PLXNA1: variants seen among roughly 807,000 people sequenced by gnomAD.
PLXNA1 encodes plexin-A1.
PLXNA1 carries 77 observed loss-of-function variants against 191.7 expected under a neutral mutation model. The ratio of observed to expected loss-of-function variants is 0.40; its 90% CI spans 0.33 to 0.49. PLXNA1 has a LOEUF of 0.49. Ranked by LOEUF, PLXNA1 falls within the 20% of genes least tolerant of loss-of-function variation. PLXNA1 has a pLI of 0.63. For synonymous variants in PLXNA1, 1,137 were observed against 1,156.4 expected (o/e 0.98, Z 0.34); for missense variants, 2,110 against 2,660.2 (o/e 0.79, Z 4.55).
chr3:126,999,491 C>T (rs547350034), intron 3 of PLXNA1, among the ~76,000 whole-genome samples: 3 of 152,338 alleles, frequency 2.0e-5, no homozygotes, highest in East Asian at 3.9e-4. Context: ...AGGGCCAAGC[C>T]GGGCAGCCCC....
chr3:126,990,155 G>T (rs1157463560), intron 2 of PLXNA1, among the ~76,000 whole-genome samples: 1 of 152,232 alleles, frequency 6.6e-6, no homozygotes, highest in Non-Finnish European at 1.5e-5. Flanking sequence ...TACAAATGAG[G>T]TTATAGGATC....
At chr3:127,003,241 G>A (rs2079049338) in intron 3 of PLXNA1, 89 bp from the exon 4 acceptor site, 4 of 1,417,880 alleles carry the variant, frequency 2.8e-6, no homozygotes, top group Non-Finnish European at 3.8e-6. Context: ...GCTCAGGGAG[G>A]GGCTTTAGAC....
At chr3:126,983,474 C>T (rs1302300587) in intron 1 of PLXNA1, among the ~76,000 whole-genome samples, 187 bp downstream of exon 1, 1 of 146,028 alleles carries the variant, frequency 6.8e-6, no homozygotes, top group African/African-American at 2.5e-5. Flanking sequence ...GCGCGCGTGT[C>T]CGCGGCCCGC....
intron 23 of PLXNA1, 146 bp from the exon 24 acceptor site, chr3:127,027,794 A>G: frequency 9.5e-7 from 1 of 1,049,066 alleles, no homozygotes. Context: ...TTTGGGACTA[A>G]GGCTGTACTT....
intron 29 of PLXNA1, 129 bp downstream of exon 29, chr3:127,030,541 G>T: frequency 8.8e-7 from 1 of 1,131,322 alleles, no homozygotes; most frequent in Non-Finnish European, 1.3e-6. Flanking sequence ...ACCCAGCAGG[G>T]GCATGGCGGG....
chr3:127,006,013 TG>T, intron 7 of PLXNA1, 65 bp from the exon 8 acceptor site: 2 of 1,231,048 alleles, frequency 1.6e-6, no homozygotes, highest in Non-Finnish European at 2.4e-6. Flanking sequence ...TTCCCCTGTC[TG>T]GACTTGCCCT....
chr3:127,001,894 G>T (rs942555645), intron 3 of PLXNA1, among the ~76,000 whole-genome samples: 1 of 152,244 alleles, frequency 6.6e-6, no homozygotes, highest in Non-Finnish European at 1.5e-5. Context: ...ATCCGCCTGG[G>T]TCTGAGTACC....
intron 3 of PLXNA1, among the ~76,000 whole-genome samples, chr3:126,995,420 C>T (rs760130365): frequency 2.6e-5 from 4 of 152,244 alleles, no homozygotes; most frequent in Admixed American, 6.5e-5. Flanking sequence ...GCACAGGCCC[C>T]GGCCTCCTGC....
intron 7 of PLXNA1, 70 bp from the exon 8 acceptor site, chr3:127,006,009 T>A (rs1466685231): frequency 3.4e-6 from 4 of 1,170,768 alleles, no homozygotes; most frequent in Non-Finnish European, 5.1e-6. Context: ...GTTGTTCCCC[T>A]GTCTGGACTT....
chr3:127,001,815 CTCTG>C (rs1217575476), intron 3 of PLXNA1, among the ~76,000 whole-genome samples: 3 of 152,230 alleles, frequency 2.0e-5, no homozygotes, highest in African/African-American at 4.8e-5. Flanking sequence ...CTCAGAACAA[CTCTG>C]TCTGAGGGAG....
At chr3:127,009,911 G>A (rs193000585) in intron 9 of PLXNA1, among the ~76,000 whole-genome samples, 8 of 152,330 alleles carry the variant, frequency 5.3e-5, no homozygotes, top group Admixed American at 3.9e-4. Context: ...CTGAGAAGTC[G>A]GGACTTTCTC....
chr3:127,022,878 G>A (rs1317902611), intron 23 of PLXNA1, 60 bp downstream of exon 23: 21 of 1,394,648 alleles, frequency 1.5e-5, no homozygotes, highest in Non-Finnish European at 2.0e-5. Flanking sequence ...AGGGGAAAAC[G>A]GAGAGAGGTG....
chr3:127,028,462 G>T, intron 25 of PLXNA1, 122 bp downstream of exon 25: 5 of 1,176,148 alleles, frequency 4.3e-6, no homozygotes, highest in Non-Finnish European at 5.8e-6. Context: ...TGGTCTGGAG[G>T]GCAGTGGAAT....
At chr3:127,016,084 C>G (rs1352632151) in intron 15 of PLXNA1, among the ~76,000 whole-genome samples, 1 of 152,104 alleles carries the variant, frequency 6.6e-6, no homozygotes, top group Non-Finnish European at 1.5e-5. Context: ...AGGGCTTAGT[C>G]TCGCCAGCCC....
At chr3:127,006,779 T>G (rs906756565) in intron 8 of PLXNA1, among the ~76,000 whole-genome samples, 1 of 152,114 alleles carries the variant, frequency 6.6e-6, no homozygotes, top group African/African-American at 2.4e-5. Context: ...GCAGCTGCTA[T>G]GCCTGCTGCC....
chr3:127,023,378 C>G (rs777893128), intron 23 of PLXNA1, among the ~76,000 whole-genome samples: 6 of 152,196 alleles, frequency 3.9e-5, no homozygotes, highest in African/African-American at 1.2e-4. Flanking sequence ...TCTGCACTTT[C>G]GATGTTGGGA....
intron 1 of PLXNA1, among the ~76,000 whole-genome samples, chr3:126,984,662 G>GA (rs2078948715): frequency 6.6e-6 from 1 of 151,842 alleles, no homozygotes; most frequent in African/African-American, 2.4e-5. Flanking sequence ...TTTGGGCAGA[G>GA]GACAGCATGG....
Position 126,989,106 on chromosome 3 carries a change from C to T in PLXNA1, c.513C>T (p.Gly171=), listed in dbSNP as rs139196131. 2.7e-5 allele frequency: 43 copies of T among 1,612,736 alleles called. No individual in the cohort carries two copies. In the East Asian group the frequency reaches 2.7e-4, roughly 10 times the overall value. ...TGCAGGAGGCAGGCAGCATGGCGGGCGTGCTCATTGCCGGGCCACCGGGCC... is the reference window on the plus strand; with the variant it reads ...TGCAGGAGGCAGGCAGCATGGCGGGTGTGCTCATTGCCGGGCCACCGGGCC... ...SSVQEAGSMA[G]VLIAGPPGQG... Residue 171 remains glycine (G), a synonymous_variant, in exon 2 of 32, where the codon GGC becomes GGT. Coordinates refer to ENST00000393409, the MANE Select transcript of PLXNA1 (RefSeq NM_032242.4).
chr3:127,036,789 T>A lies in PLXNA1; in HGVS notation c.*2772T>A, dbSNP rs1235748355. 1 of 152,328 alleles carries A rather than the reference T, an allele frequency of 6.6e-6. No individual in the cohort carries two copies. The highest frequency in any genetic ancestry group is 1.5e-5 in the Non-Finnish European group (1 of 68,108). 9.4% of individuals were successfully genotyped at this position (152,328 alleles called of 1,614,324 possible). A position where few individuals can be genotyped will look rare whatever the true frequency, so the allele number is the denominator to read the frequency against. On this transcript the variant is annotated 3_prime_UTR_variant, in exon 32 of 32. Coordinates refer to ENST00000393409, the MANE Select transcript of PLXNA1 (RefSeq NM_032242.4). Reference sequence around the variant, plus strand: ...CTGTGAAACTGGCACCCACCTGGCGTGCTGCTGCCGCCACTTGCTTCCTGC... The same window carrying A: ...CTGTGAAACTGGCACCCACCTGGCGAGCTGCTGCCGCCACTTGCTTCCTGC...
Sources: allele counts gnomAD v4.1 joint callset (sites outside exome capture counted in the v4.1 genomes callset), GRCh38; gene constraint gnomAD v4.1.1; transcripts MANE v1.5; gene names NCBI Gene and HGNC (gene_info 2026-07-23, HGNC 2026-07-21).